The following GPC6 variants were observed in gnomAD, a reference collection of about 807,000 sequenced individuals.
GPC6 encodes the protein glypican 6.
A neutral mutation model predicts 55.2 loss-of-function variants in GPC6; 14 were observed. The observed-to-expected ratio is 0.25, with a 90% confidence interval of 0.17 to 0.40. The LOEUF is 0.40. GPC6 is among the 10% of genes least tolerant of loss of function. GPC6 has a pLI of 1.00. For synonymous variants in GPC6, 278 were observed against 259.6 expected, an observed-to-expected ratio of 1.07 and a Z score of -0.68; for missense variants, 641 against 708.5, an observed-to-expected ratio of 0.90 and a Z score of 1.08.
intron 2 of GPC6, among the ~76,000 whole-genome samples, chr13:93,756,729 CT>C (rs1239294133): frequency 2.0e-5 from 3 of 152,218 alleles, no homozygotes; most frequent in Middle Eastern, 3.4e-3. Flanking sequence ...AAATGAATCA[CT>C]TTTCTTTTCC....
At chr13:94,146,322 C>A (rs993148062) in intron 4 of GPC6, among the ~76,000 whole-genome samples, 1 of 151,902 alleles carries the variant, frequency 6.6e-6, no homozygotes, top group African/African-American at 2.4e-5. Context: ...GAAAAAAAAA[C>A]AAGTTGTGTG....
chr13:94,304,494 A>G (rs1282193901), intron 5 of GPC6, among the ~76,000 whole-genome samples: 3 of 152,244 alleles, frequency 2.0e-5, no homozygotes, highest in Admixed American at 1.3e-4. Context: ...AGTATACTAC[A>G]TGCAAGTTAA....
intron 2 of GPC6, among the ~76,000 whole-genome samples, chr13:93,618,056 G>T (rs1233180755): frequency 6.6e-6 from 1 of 151,944 alleles, no homozygotes; most frequent in African/African-American, 2.4e-5. Context: ...CATACATACA[G>T]GACTGTACAA....
chr13:93,588,849 A>G (rs931057662), intron 2 of GPC6, among the ~76,000 whole-genome samples: 2 of 152,112 alleles, frequency 1.3e-5, no homozygotes, highest in Non-Finnish European at 2.9e-5. Context: ...CAAGTATCCA[A>G]AGTATATCAC....
chr13:93,653,288 A>G (rs929455305), intron 2 of GPC6, among the ~76,000 whole-genome samples: 1 of 152,242 alleles, frequency 6.6e-6, no homozygotes, highest in African/African-American at 2.4e-5. Flanking sequence ...AGGTTGTATT[A>G]GGCTTCTGGA....
At chr13:93,739,006 A>C (rs1161657216) in intron 2 of GPC6, among the ~76,000 whole-genome samples, 1 of 151,920 alleles carries the variant, frequency 6.6e-6, no homozygotes. Context: ...TTTTCAGTAA[A>C]GATATAATGA....
chr13:93,462,069 C>T (rs1015122673), intron 1 of GPC6, among the ~76,000 whole-genome samples: 7 of 152,108 alleles, frequency 4.6e-5, no homozygotes, highest in African/African-American at 1.4e-4. Flanking sequence ...GGATAAATGC[C>T]TCAACAGCTG....
chr13:93,230,283 C>G (rs1875962022), intron 1 of GPC6, among the ~76,000 whole-genome samples: 1 of 152,050 alleles, frequency 6.6e-6, no homozygotes, highest in South Asian at 2.1e-4. Flanking sequence ...AAGTTTTACT[C>G]AGAACTCACA....
chr13:94,243,608 AT>A (rs777276016), intron 4 of GPC6, among the ~76,000 whole-genome samples: 54 of 151,954 alleles, frequency 3.6e-4, no homozygotes, highest in Admixed American at 5.9e-4. Flanking sequence ...GACATTTCTA[AT>A]TTTTCCCCAA....
chr13:94,033,841 C>T (rs1426947396), intron 4 of GPC6, among the ~76,000 whole-genome samples: 2 of 152,060 alleles, frequency 1.3e-5, no homozygotes, highest in African/African-American at 4.8e-5. Flanking sequence ...ACTTTCAAGG[C>T]TTCTTCATCT....
chr13:93,324,206 A>G (rs1879559786), intron 1 of GPC6, among the ~76,000 whole-genome samples: 1 of 152,140 alleles, frequency 6.6e-6, no homozygotes, highest in Non-Finnish European at 1.5e-5. Context: ...AAAGATAAAC[A>G]TCACATATTC....
At chr13:93,562,972 A>G (rs1875888342) in intron 2 of GPC6, among the ~76,000 whole-genome samples, 1 of 152,162 alleles carries the variant, frequency 6.6e-6, no homozygotes, top group African/African-American at 2.4e-5. Context: ...CTTTCTCCAT[A>G]AGGAAAACAA....
At chr13:93,920,450 C>T (rs1448566037) in intron 3 of GPC6, among the ~76,000 whole-genome samples, 3 of 152,116 alleles carry the variant, frequency 2.0e-5, no homozygotes, top group African/African-American at 7.2e-5. Context: ...CTGAATTGCA[C>T]AATAGAAATG....
chr13:94,035,096 C>A (rs867780729), intron 4 of GPC6, among the ~76,000 whole-genome samples: 5 of 151,680 alleles, frequency 3.3e-5, no homozygotes, highest in Admixed American at 6.6e-5. Flanking sequence ...TGGAATTTTG[C>A]GTTTTGATTT....
intron 2 of GPC6, among the ~76,000 whole-genome samples, chr13:93,649,128 C>A (rs974003714): frequency 3.3e-5 from 5 of 152,088 alleles, no homozygotes; most frequent in Non-Finnish European, 7.4e-5. Flanking sequence ...TAAAAAACAT[C>A]AGCCATTTCA....
intron 3 of GPC6, among the ~76,000 whole-genome samples, chr13:93,987,158 A>G (rs1881068240): frequency 6.6e-6 from 1 of 152,134 alleles, no homozygotes; most frequent in South Asian, 2.1e-4. Context: ...CATAGTAAAG[A>G]CTCAATATCT....
Position 93,330,899 on chromosome 13 carries a change from G to C in GPC6, c.160+103283G>C, listed in dbSNP as rs190719969. 1.8e-4 allele frequency among the ~76,000 whole-genome samples: 27 copies of C among 152,188 alleles called. No homozygotes were observed. The East Asian group carries it at 5.0e-3, about 28-fold the overall frequency. On this transcript the variant is annotated intron_variant, in intron 1 of 8. Transcript: ENST00000377047. ...CATCCTAACATCATATCTTCTTACA[G>C]TTCTATCACTTTTTTTGGCTATAGA...
intron 4 of GPC6, among the ~76,000 whole-genome samples, chr13:94,160,071 GC>G (rs753862981): frequency 1.3e-5 from 2 of 152,064 alleles, no homozygotes; most frequent in Admixed American, 6.6e-5. Context: ...GTTTCTTATA[GC>G]CAATCATGGT....
chr13:93,888,672 G>A (rs1465223612), intron 3 of GPC6, among the ~76,000 whole-genome samples: 1 of 152,110 alleles, frequency 6.6e-6, no homozygotes, highest in Non-Finnish European at 1.5e-5. Flanking sequence ...GTTTTTTCCT[G>A]AAGTTGACAG....
Sources: gnomAD v4.1 joint callset for allele counts (sites outside exome capture counted in the v4.1 genomes callset) on GRCh38, gnomAD v4.1.1 for gene constraint, MANE v1.5 for transcripts, NCBI Gene and HGNC (gene_info 2026-07-23, HGNC 2026-07-21) for gene names.